ABCC8: variants seen among roughly 807,000 people sequenced by gnomAD.
The protein encoded by ABCC8 is ATP binding cassette subfamily C member 8.
In ABCC8, 137 loss-of-function variants were observed where a neutral mutation model predicts 188.0. The observed-to-expected ratio is 0.73, with a 90% CI of 0.63 to 0.84. ABCC8 has a LOEUF of 0.84. Among genes scored for constraint, ABCC8 ranks in the 40% least tolerant of loss-of-function variants. The probability of loss-of-function intolerance (pLI) is 0.00; values close to 1 mark genes in which losing one functional copy is unlikely to be tolerated. For missense variants in ABCC8, 1,750 were observed against 2,072.7 expected, an observed-to-expected ratio of 0.84 and a Z score of 3.02; for synonymous variants, 797 against 846.5, an observed-to-expected ratio of 0.94 and a Z score of 1.01.
In ABCC8 at chr11:17,397,322, A is replaced by G; in HGVS notation, c.3868-9T>C. 1 of 1,609,806 alleles carries G rather than the reference A, an allele frequency of 6.2e-7. No individual in the cohort carries two copies. The highest frequency in any genetic ancestry group is 2.2e-5 in the East Asian group (1 of 44,866). ...TTGAGGTAGTTGGAGACCTGTGGGG[A>G]GCAAGCCAGTGGCGCACACTCCATG... On this transcript the variant is annotated splice_polypyrimidine_tract_variant and intron_variant, in intron 31 of 38. Transcript: ENST00000389817.
At chr11:17,472,585 T>G (rs933434051) in intron 2 of ABCC8, among the ~76,000 whole-genome samples, 5 of 152,188 alleles carry the variant, frequency 3.3e-5, no homozygotes, top group Admixed American at 2.0e-4. Flanking sequence ...TGACTTCTCC[T>G]GTCTGCTCTT....
At chr11:17,428,927 T>C (rs1955721721) in intron 12 of ABCC8, 2 of 591,216 alleles carry the variant, frequency 3.4e-6, no homozygotes, top group African/African-American at 3.7e-5. Context: ...GGGTTAATGT[T>C]GAAGTTAGTT....
chr11:17,458,113 T>C (rs1316863211), intron 6 of ABCC8, among the ~76,000 whole-genome samples: 2 of 152,152 alleles, frequency 1.3e-5, no homozygotes, highest in Admixed American at 6.5e-5. Context: ...AACCACATGA[T>C]GGAGAGTTCT....
chr11:17,433,736 C>T (rs1013904312), intron 10 of ABCC8, among the ~76,000 whole-genome samples: 1 of 152,246 alleles, frequency 6.6e-6, no homozygotes, highest in African/African-American at 2.4e-5. Context: ...AAGGCTCCTG[C>T]AATTGGAGAG....
At chr11:17,406,234 C>T (rs952504178) in intron 26 of ABCC8, among the ~76,000 whole-genome samples, 5 of 152,100 alleles carry the variant, frequency 3.3e-5, no homozygotes, top group Admixed American at 2.6e-4. Context: ...GCTACCTGTT[C>T]CCCCAGTGTC....
Position 17,393,651 on chromosome 11 carries a change from T to C in ABCC8, c.4608+46A>G, listed in dbSNP as rs773163518. ...ACTGATGACGGCCACAACAGGCCAGTCCTGTCCCTGGGTGTCCCTCTGCAC... is the reference window on the plus strand; with the variant it reads ...ACTGATGACGGCCACAACAGGCCAGCCCTGTCCCTGGGTGTCCCTCTGCAC... On this transcript the variant is annotated intron_variant, in intron 38 of 38. Transcript: ENST00000389817. 9.9e-6 allele frequency: 16 copies of C among 1,613,530 alleles called. No individual in the cohort carries two copies. The South Asian group carries it at 1.6e-4, about 17-fold the overall frequency.
At chr11:17,418,611 C>T (rs868345552) in intron 16 of ABCC8, among the ~76,000 whole-genome samples, 8 of 152,192 alleles carry the variant, frequency 5.3e-5, no homozygotes, top group Non-Finnish European at 7.3e-5. Context: ...GTGACTACTT[C>T]CAGAGTAGCA....
intron 2 of ABCC8, 154 bp from the exon 3 acceptor site, chr11:17,470,376 T>C: frequency 1.2e-6 from 1 of 811,930 alleles, no homozygotes; most frequent in Non-Finnish European, 1.5e-6. Context: ...ATTTGGGGTA[T>C]GGGCTGGGCA....
chr11:17,407,391 C>G lies in ABCC8; in HGVS notation c.2883G>C (p.Ser961=), dbSNP rs556416269. The G allele has an allele frequency of 2.5e-6, 4 of 1,614,078 alleles. No individual in the cohort carries two copies. Among genetic ancestry groups the G allele is most frequent in the Non-Finnish European group, 3.4e-6 (4 of 1,180,052 alleles). Residue 961 remains serine (S), a synonymous_variant, in exon 24 of 39, where the codon TCG becomes TCC. Transcript: ENST00000389817. The part of the protein sequence containing the change: ...PPQGLSRAMS[S]RDGLLQDEEE... ...CCTCATCCTGCAGAAGGCCATCCCT[C>G]GAGGACATGGCACGAGATAGGCCCT...
intron 19 of ABCC8, 50 bp downstream of exon 19, chr11:17,414,462 A>G (rs370479029): frequency 5.8e-5 from 93 of 1,608,810 alleles, no homozygotes; most frequent in Admixed American, 5.0e-5. Context: ...CAGGCTGGCC[A>G]GAGACAGTTC....
chr11:17,410,216 A>C, intron 22 of ABCC8: 1 of 359,962 alleles, frequency 2.8e-6, no homozygotes, highest in Non-Finnish European at 5.2e-6. Flanking sequence ...AAGGGCAGGA[A>C]TCAGAAGGTG....
chr11:17,460,701 T>A, intron 5 of ABCC8, 25 bp from the exon 6 acceptor site: 3 of 1,603,336 alleles, frequency 1.9e-6, no homozygotes, highest in Non-Finnish European at 2.5e-6. Flanking sequence ...CATGGCCAGG[T>A]CAGAGTGCCT....
rs1192584588 is a variant in ABCC8, at chr11:17,474,933, C to T, written c.243G>A (p.Leu81=). The stretch of plus-strand genomic sequence containing the variant: ...CAATCTCACACACCAGGACGAAGAG[C>T]AGCATGAAGGTCAGGATCCACCGCA... ...HNLRWILTFM[L]LFVLVCEIAE... Residue 81 remains leucine, a synonymous_variant, in exon 2 of 39, where the codon CTG becomes CTA. Coordinates refer to ENST00000389817, the MANE Select transcript of ABCC8 (RefSeq NM_000352.6). 8.1e-6 allele frequency: 13 copies of T among 1,614,184 alleles called. No homozygotes were observed. Among genetic ancestry groups the T allele is most frequent in the Non-Finnish European group, 1.0e-5 (12 of 1,180,044 alleles).
chr11:17,460,931 T>C (rs976032704), intron 5 of ABCC8: 1 of 632,978 alleles, frequency 1.6e-6, no homozygotes, highest in East Asian at 3.1e-5. Flanking sequence ...GGTCAGGGAC[T>C]ATGTGATGAG....
chr11:17,405,483 G>T lies in ABCC8; in HGVS notation c.3399+11C>A. On this transcript the variant is annotated intron_variant, in intron 27 of 38. Transcript: ENST00000389817. ...CTGGAAGGGGGGATAGTGTGGCACG[G>T]TCCTCTGTACCTGGTCGATGGTGTT... 6.2e-7 allele frequency: 1 copy of T among 1,614,222 alleles called. No individual in the cohort carries two copies. Among genetic ancestry groups the T allele is most frequent in the Non-Finnish European group, 8.5e-7 (1 of 1,180,030 alleles).
At chr11:17,454,403 C>T (rs1011694473) in intron 6 of ABCC8, among the ~76,000 whole-genome samples, 3 of 152,154 alleles carry the variant, frequency 2.0e-5, no homozygotes, top group Admixed American at 1.3e-4. Flanking sequence ...GGGTCTGTAT[C>T]TGTTGGTGGC....
chr11:17,394,952 C>A, intron 36 of ABCC8: 1 of 613,530 alleles, frequency 1.6e-6, no homozygotes, highest in Non-Finnish European at 2.9e-6. Flanking sequence ...ACCCGCTGTA[C>A]CCTGCAGGAG....
chr11:17,414,719 G>A, intron 18 of ABCC8, 109 bp from the exon 19 acceptor site: 1 of 1,560,660 alleles, frequency 6.4e-7, no homozygotes. Context: ...GGATGGGGAG[G>A]TGCAGTTGGT....
intron 11 of ABCC8, among the ~76,000 whole-genome samples, chr11:17,431,318 G>A (rs78309794): frequency 0.03 from 4,537 of 152,294 alleles, 98 homozygotes; most frequent in South Asian, 0.078. Flanking sequence ...TCGGGATAAC[G>A]TAAACAGAGT....
Sources: allele counts gnomAD v4.1 joint callset (sites outside exome capture counted in the v4.1 genomes callset), GRCh38; gene constraint gnomAD v4.1.1; transcripts MANE v1.5; gene names NCBI Gene and HGNC (gene_info 2026-07-23, HGNC 2026-07-21).